Variants in AHNAK observed in about 807,000 individuals in gnomAD.
AHNAK encodes AHNAK nucleoprotein.
In AHNAK, 23 loss-of-function variants were observed where a neutral mutation model predicts 37.8. That is an observed-to-expected ratio of 0.61 (90% CI 0.44 to 0.86). The LOEUF (loss-of-function observed/expected upper bound fraction) is 0.86, where lower values mean the gene tolerates loss of function less well. Ranked by LOEUF, AHNAK falls within the 40% of genes least tolerant of loss-of-function variation. AHNAK has a pLI of 0.00. For missense variants in AHNAK, 7,411 were observed against 7,319.4 expected (o/e 1.01, Z -0.46); for synonymous variants, 2,481 against 2,636.3 (o/e 0.94, Z 1.80).
chr11:62,505,948 C>T (rs1939803389), intron 4 of AHNAK, among the ~76,000 whole-genome samples: 1 of 145,654 alleles, frequency 6.9e-6, no homozygotes, highest in Non-Finnish European at 1.5e-5. Flanking sequence ...GGCACTTCCG[C>T]AGGCCAAGGC....
intron 1 of AHNAK, among the ~76,000 whole-genome samples, chr11:62,539,881 T>C (rs1209936720): frequency 6.6e-6 from 1 of 152,166 alleles, no homozygotes; most frequent in Non-Finnish European, 1.5e-5. Flanking sequence ...ACCTGGGCCA[T>C]TCAGTTCCGC....
Position 62,527,128 on chromosome 11 carries a change from T to C in AHNAK, c.7289A>G (p.Glu2430Gly). 3 of 1,613,852 alleles carry C rather than the reference T, an allele frequency of 1.9e-6. No individual in the cohort carries two copies. The highest frequency in any genetic ancestry group is 2.5e-6 in the Non-Finnish European group (3 of 1,179,912). Residue 2430 changes from glutamate to glycine, a missense_variant, in exon 5 of 5, where the codon GAG (glutamate) becomes GGG (glycine). Transcript: ENST00000378024. ...VDVSGPDIDI[E>G]GPEGKLKGPK... ...GCCTTTCAATTTGCCCTCTGGTCCC[T>C]CAATGTCAATGTCTGGCCCACTGAC...
chr11:62,544,518 A>T (rs1941243826), intron 1 of AHNAK, among the ~76,000 whole-genome samples: 3 of 151,988 alleles, frequency 2.0e-5, no homozygotes, highest in South Asian at 4.1e-4. Flanking sequence ...CACAGCCCCC[A>T]AACCCTGCGA....
chr11:62,437,438 T>G (rs1938198863), intron 5 of AHNAK, among the ~76,000 whole-genome samples: 1 of 152,188 alleles, frequency 6.6e-6, no homozygotes, highest in Non-Finnish European at 1.5e-5. Context: ...CACTGCAACA[T>G]CTGCCTCCTG....
At position 62,474,187 on chromosome 11, in the gene AHNAK, C is replaced by CT. The variant is rs201384293; in HGVS notation, c.442+17544dup. On this transcript the variant is annotated intron_variant, in intron 5 of 5. Transcript: ENST00000257247. ...TGGGAGGGGGCCCAGAAACCTACAT[C>CT]TTTTTTTTTTTTTTTGAAACAGAGT... Among the ~76,000 whole-genome samples the CT allele has an allele frequency of 1.2e-3, 175 of 142,364 alleles. 1 individual carries two copies. The highest frequency in any genetic ancestry group is 7.3e-3 in the Middle Eastern group (2 of 274). 93.4% of individuals were successfully genotyped at this position (142,364 alleles called of 152,430 possible). A position where few individuals can be genotyped will look rare whatever the true frequency, so the allele number is the denominator to read the frequency against.
Position 62,521,870 on chromosome 11 carries a change from C to A in AHNAK, c.12547G>T (p.Asp4183Tyr). ...DVPDVDVQGP[D>Y]WHLKMPKVKM... ...ACTTTGGGCATTTTTAAGTGCCAGT[C>A]TGGGCCTTGAACGTCCACATCTGGG... is the stretch of plus-strand genomic sequence containing the variant. The change falls in exon 5 of 5, where the codon GAC becomes TAC. Residue 4183 changes from aspartate to tyrosine, a missense_variant. Coordinates refer to ENST00000378024, the MANE Select transcript of AHNAK (RefSeq NM_001620.3). 1.2e-6 allele frequency: 2 copies of A among 1,612,890 alleles called. No homozygotes were observed. The highest frequency in any genetic ancestry group is 2.2e-5 in the East Asian group (1 of 44,782).
rs757463763 is a variant in AHNAK, at chr11:62,526,721, T to C, written c.7696A>G (p.Lys2566Glu). The C allele has an allele frequency of 6.2e-6, 10 of 1,613,362 alleles. No homozygotes were observed. Among genetic ancestry groups the C allele is most frequent in the Non-Finnish European group, 8.5e-6 (10 of 1,179,906 alleles). Residue 2566 changes from lysine to glutamate, a missense_variant, in exon 5 of 5, where the codon AAG becomes GAG. By Grantham distance (56) the Lys-to-Glu change is moderately conservative. Coordinates refer to ENST00000378024, the MANE Select transcript of AHNAK (RefSeq NM_001620.3). ...ATGTTCATCTCTGGCATCTTTAACT[T>C]AGGCCCTTTCAACTTTCCCTCTGGT... ...EGPEGKLKGPKLKMPEMNIKA... is the reference protein window; with the variant it reads ...EGPEGKLKGPELKMPEMNIKA...
intron 5 of AHNAK, among the ~76,000 whole-genome samples, chr11:62,448,792 G>A (rs903162449): frequency 3.3e-5 from 5 of 152,146 alleles, no homozygotes; most frequent in South Asian, 2.1e-4. Flanking sequence ...TGGGAAGGCC[G>A]GGCACAGTGG....
intron 5 of AHNAK, among the ~76,000 whole-genome samples, chr11:62,485,430 C>T (rs867285103): frequency 1.3e-5 from 2 of 151,862 alleles, no homozygotes; most frequent in Admixed American, 6.6e-5. Context: ...TTGCTGGGCG[C>T]GGTGGCTCAC....
chr11:62,481,644 C>CTTGGCTCACTGCAAGCTCCGT (rs2134871800), intron 5 of AHNAK, among the ~76,000 whole-genome samples: 1 of 23,166 alleles, frequency 4.3e-5, no homozygotes, highest in East Asian at 1.7e-3. Context: ...GTGACACGAT[C>CTTGGCTCACTGCAAGCTCCGT]TTGGCTCACT....
intron 5 of AHNAK, among the ~76,000 whole-genome samples, chr11:62,472,978 G>C (rs191268411): frequency 6.7e-6 from 1 of 148,656 alleles, no homozygotes; most frequent in Non-Finnish European, 1.5e-5. Flanking sequence ...CCAGCTACTC[G>C]GGAGGCTGAG....
chr11:62,527,609 C>A lies in AHNAK; in HGVS notation c.6808G>T (p.Ala2270Ser). The change falls in exon 5 of 5, where the codon GCT (alanine) becomes TCT (serine). Residue 2270 changes from alanine (A) to serine (S), a missense_variant. Transcript: ENST00000378024. ...TTGGGTCCTGAGACATCAACGTCAG[C>A]CTTGGGCAAGTTCACATCCACTTCT... ...GPEVDVNLPK[A>S]DVDVSGPKVD... The A allele has an allele frequency of 6.2e-7, 1 of 1,613,874 alleles. No homozygotes were observed. The highest frequency in any genetic ancestry group is 8.5e-7 in the Non-Finnish European group (1 of 1,179,992).
In AHNAK at chr11:62,518,681, C is replaced by T; in HGVS notation, c.15736G>A (p.Val5246Met). Residue 5246 changes from valine (V) to methionine (M), a missense_variant, in exon 5 of 5, where the codon GTG becomes ATG. Val to Met is a conservative substitution (Grantham distance 21). Coordinates refer to ENST00000378024, the MANE Select transcript of AHNAK (RefSeq NM_001620.3). ...FSMPKIGIPG[V>M]KMEGGGAEVH... Reference sequence around the variant, plus strand: ...TCGGCTCCCCCACCCTCCATTTTCACACCTGGGATGCCGATCTTGGGCATG... The same window carrying T: ...TCGGCTCCCCCACCCTCCATTTTCATACCTGGGATGCCGATCTTGGGCATG... 1 of 1,614,190 alleles carries T rather than the reference C, an allele frequency of 6.2e-7. No individual in the cohort carries two copies. The highest frequency in any genetic ancestry group is 8.5e-7 in the Non-Finnish European group (1 of 1,180,028).
intron 5 of AHNAK, among the ~76,000 whole-genome samples, chr11:62,442,435 C>G (rs1938326363): frequency 6.6e-6 from 1 of 152,074 alleles, no homozygotes; most frequent in African/African-American, 2.4e-5. Context: ...GTAGTCCCAG[C>G]TACTTAGGAG....
intron 5 of AHNAK, among the ~76,000 whole-genome samples, chr11:62,442,144 A>T (rs934314373): frequency 2.0e-5 from 3 of 152,202 alleles, no homozygotes; most frequent in African/African-American, 4.8e-5. Flanking sequence ...AGTAGTTTTA[A>T]CAGTTCCGTC....
intron 5 of AHNAK, among the ~76,000 whole-genome samples, chr11:62,452,533 A>T (rs1281066045): frequency 3.9e-5 from 6 of 152,140 alleles, no homozygotes; most frequent in Non-Finnish European, 7.3e-5. Context: ...AATAGGAAGG[A>T]GTTGTCAGAG....
rs1940796659 is a variant in AHNAK, at chr11:62,532,583, C to T, written c.1834G>A (p.Val612Ile). ...TGCGCTTCGACATCTGGGGCACTGACATCCACTTTGGGGCCTCTGACATCA... is the reference window on the plus strand; with the variant it reads ...TGCGCTTCGACATCTGGGGCACTGATATCCACTTTGGGGCCTCTGACATCA... ...EVDVRGPKVDVSAPDVEAHGP... is the reference protein window; with the variant it reads ...EVDVRGPKVDISAPDVEAHGP... Residue 612 changes from valine (V) to isoleucine (I), a missense_variant, in exon 5 of 5, where the codon GTC becomes ATC. Transcript: ENST00000378024. The T allele has an allele frequency of 6.2e-7, 1 of 1,614,198 alleles. No individual in the cohort carries two copies. Among genetic ancestry groups the T allele is most frequent in the Non-Finnish European group, 8.5e-7 (1 of 1,180,048 alleles).
At chr11:62,449,727 T>G (rs1458638091) in intron 5 of AHNAK, among the ~76,000 whole-genome samples, 2 of 152,238 alleles carry the variant, frequency 1.3e-5, no homozygotes, top group Non-Finnish European at 2.9e-5. Flanking sequence ...TAACGTTTAT[T>G]GAACTCTTCC....
At chr11:62,509,709 G>A (rs1160965473) in intron 4 of AHNAK, among the ~76,000 whole-genome samples, 1 of 152,112 alleles carries the variant, frequency 6.6e-6, no homozygotes, top group African/African-American at 2.4e-5. Flanking sequence ...TTGAGGCCAG[G>A]AGCTCAAGAC....
Sources: gnomAD v4.1 joint callset for allele counts (sites outside exome capture counted in the v4.1 genomes callset) on GRCh38, gnomAD v4.1.1 for gene constraint, MANE v1.5 for transcripts, NCBI Gene and HGNC (gene_info 2026-07-23, HGNC 2026-07-21) for gene names.